Variants in ZNF536 observed in about 807,000 individuals in gnomAD.
ZNF536 encodes zinc finger protein 536.
ZNF536 carries 13 observed loss-of-function variants against 84.5 expected under a neutral mutation model. The ratio of observed to expected loss-of-function variants is 0.15; its 90% CI spans 0.10 to 0.24. The LOEUF (loss-of-function observed/expected upper bound fraction) is 0.24, where lower values mean the gene tolerates loss of function less well. Ranked by LOEUF, ZNF536 falls within the 10% of genes least tolerant of loss-of-function variation. The pLI is 1.00. For missense variants in ZNF536, 1,536 were observed against 1,747.5 expected, an observed-to-expected ratio of 0.88 and a Z score of 2.16; for synonymous variants, 811 against 742.5, an observed-to-expected ratio of 1.09 and a Z score of -1.50.
intron 1 of ZNF536, among the ~76,000 whole-genome samples, chr19:30,667,411 T>G (rs1483450942): frequency 6.6e-6 from 1 of 152,134 alleles, no homozygotes; most frequent in Non-Finnish European, 1.5e-5. Context: ...TCCCACGCTA[T>G]CAGCCTCTCC....
At chr19:30,447,516 C>T (rs147921994) in intron 2 of ZNF536, among the ~76,000 whole-genome samples, 13 of 152,280 alleles carry the variant, frequency 8.5e-5, no homozygotes, top group African/African-American at 1.7e-4. Context: ...GGATTTATTA[C>T]GGATGAGACA....
chr19:30,513,608 T>C (rs1394921369), intron 2 of ZNF536, among the ~76,000 whole-genome samples: 1 of 152,130 alleles, frequency 6.6e-6, no homozygotes, highest in Non-Finnish European at 1.5e-5. Context: ...AAACAAGGCA[T>C]CTAATATCAG....
intron 2 of ZNF536, among the ~76,000 whole-genome samples, chr19:30,514,061 A>G (rs1199630583): frequency 6.6e-6 from 1 of 152,016 alleles, no homozygotes; most frequent in Non-Finnish European, 1.5e-5. Flanking sequence ...TCCTGTTTCT[A>G]CCTGCCTCAG....
chr19:30,336,500 A>AG (rs1417150762), intron 2 of ZNF536, among the ~76,000 whole-genome samples: 17 of 152,194 alleles, frequency 1.1e-4, no homozygotes, highest in African/African-American at 3.9e-4. Context: ...AGGCTGGCGG[A>AG]GGTCCCTTCA....
chr19:30,442,234 A>G (rs1316971792), intron 1 of ZNF536, among the ~76,000 whole-genome samples: 2 of 152,222 alleles, frequency 1.3e-5, no homozygotes, highest in Non-Finnish European at 2.9e-5. Flanking sequence ...CACGTGCTCC[A>G]ATGTGGAAGG....
intron 1 of ZNF536, among the ~76,000 whole-genome samples, chr19:30,264,511 G>A (rs1193537533): frequency 3.3e-5 from 5 of 152,098 alleles, no homozygotes; most frequent in Admixed American, 3.3e-4. Flanking sequence ...AATATTTATA[G>A]GAAAGCTTTG....
At chr19:30,264,930 C>CGTGTGT (rs71333450) in intron 1 of ZNF536, among the ~76,000 whole-genome samples, 25 of 135,706 alleles carry the variant, frequency 1.8e-4, no homozygotes, top group Non-Finnish European at 2.8e-4. Flanking sequence ...TGTCAATAGT[C>CGTGTGT]GTGTGTGTGT....
At chr19:30,711,848 A>C (rs1050254242) in exon 2 of ZNF536, 1 of 152,166 alleles carries the variant, frequency 6.6e-6, no homozygotes, top group Non-Finnish European at 1.5e-5. Context: ...AAACTAGCTA[A>C]CCCCATCCAT....
chr19:30,335,098 C>T (rs1472276900), intron 2 of ZNF536, among the ~76,000 whole-genome samples: 1 of 152,166 alleles, frequency 6.6e-6, no homozygotes, highest in Non-Finnish European at 1.5e-5. Context: ...GCTGGCGGAA[C>T]AGGGATGGGG....
chr19:30,466,600 G>GAGAGAGAGAGAGAGAA (rs2053409540), intron 2 of ZNF536, among the ~76,000 whole-genome samples: 1 of 151,134 alleles, frequency 6.6e-6, no homozygotes, highest in Admixed American at 6.6e-5. Flanking sequence ...GAGAGAGAGA[G>GAGAGAGAGAGAGAGAA]AGAAAGAAAA....
chr19:30,620,743 C>T (rs2048454235), intron 1 of ZNF536, among the ~76,000 whole-genome samples: 1 of 152,216 alleles, frequency 6.6e-6, no homozygotes, highest in South Asian at 2.1e-4. Context: ...TTCCCAGTTG[C>T]AAACCTTTTG....
intron 2 of ZNF536, among the ~76,000 whole-genome samples, chr19:30,451,062 A>C (rs1600789570): frequency 6.6e-6 from 1 of 152,334 alleles, no homozygotes; most frequent in South Asian, 2.1e-4. Flanking sequence ...GCCCAGGCGG[A>C]CGCCGGCCAA....
intron 2 of ZNF536, among the ~76,000 whole-genome samples, chr19:30,307,819 T>G (rs1237741396): frequency 6.6e-6 from 1 of 152,234 alleles, no homozygotes; most frequent in African/African-American, 2.4e-5. Flanking sequence ...TTCTTCTCAC[T>G]GTGTTGAAGC....
chr19:30,450,866 C>T (rs2148307516), intron 2 of ZNF536, among the ~76,000 whole-genome samples: 1 of 152,300 alleles, frequency 6.6e-6, no homozygotes, highest in Admixed American at 6.5e-5. Context: ...CAACTCCAGC[C>T]TTCCTTCCCC....
chr19:30,478,405 G>C (rs1468962578), intron 2 of ZNF536, among the ~76,000 whole-genome samples: 1 of 151,986 alleles, frequency 6.6e-6, no homozygotes, highest in African/African-American at 2.4e-5. Context: ...TGTCTCTTGA[G>C]GGGGCCCATT....
At chr19:30,383,761 T>C (rs1237875413) in intron 1 of ZNF536, among the ~76,000 whole-genome samples, 1 of 6,120 alleles carries the variant, frequency 1.6e-4, no homozygotes, top group African/African-American at 5.2e-4. Flanking sequence ...TTCTTTCTCT[T>C]TCTTTCTTTC....
Position 30,239,358 on chromosome 19 carries a change from C to G in ZNF536, c.-190+10685C>G, listed in dbSNP as rs971914136. On this transcript the variant is annotated intron_variant, in intron 1 of 5. Coordinates refer to the ZNF536 transcript ENST00000585628. ...GGCTTATCCATGGTGGTGTGACTTG[C>G]CCAAGGCCAAGCTGCTGGTAGGTAG... Among the ~76,000 whole-genome samples, 3 of 152,316 alleles carry G rather than the reference C, an allele frequency of 2.0e-5. No homozygotes were observed. The East Asian group carries it at 5.8e-4, about 29-fold the overall frequency.
rs1447442027 is a variant in ZNF536 at position 30,698,325 on chromosome 19, G to C, written c.170-12432G>C. Among the ~76,000 whole-genome samples the C allele has an allele frequency of 2.6e-5, 4 of 151,874 alleles. No homozygotes were observed. The East Asian group carries it at 7.7e-4, about 29-fold the overall frequency. ...AAAAAAAGTTTGCATAGATAATACA[G>C]AGAACTCTCATAGATTTCACCGCCA... is the stretch of plus-strand genomic sequence containing the variant. On this transcript the variant is annotated intron_variant, in intron 1 of 1. Coordinates refer to the ZNF536 transcript ENST00000592773.
At chr19:30,712,953 A>G (rs2052497115) in exon 2 of ZNF536, 1 of 152,110 alleles carries the variant, frequency 6.6e-6, no homozygotes. Context: ...AACATAAAAA[A>G]AAAAGAAAAA....
Sources: allele counts gnomAD v4.1 joint callset (sites outside exome capture counted in the v4.1 genomes callset), GRCh38; gene constraint gnomAD v4.1.1; transcripts MANE v1.5; gene names NCBI Gene and HGNC (gene_info 2026-07-23, HGNC 2026-07-21).